Variants in PCDH11Y observed in about 807,000 individuals in gnomAD.
The protein encoded by PCDH11Y is protocadherin 11 Y-linked, also known as protocadherin-11 Y-linked.
For synonymous variants in PCDH11Y, 9 were observed against 83.6 expected, an observed-to-expected ratio of 0.11 and a Z score of 4.87; for missense variants, 12 against 224.8, an observed-to-expected ratio of 0.05 and a Z score of 6.05.
At chrY:5,369,551 C>G in intron 2 of PCDH11Y, among the ~76,000 whole-genome samples, 1 of 32,621 alleles carries the variant, frequency 3.1e-5, no homozygotes, top group Non-Finnish European at 7.5e-5. Flanking sequence ...ACTTAACTTT[C>G]AGGTTTGCCT....
chrY:5,429,157 C>T (rs2124680336), intron 2 of PCDH11Y, among the ~76,000 whole-genome samples: 11 of 33,416 alleles, frequency 3.3e-4, no homozygotes, highest in African/African-American at 1.3e-3. Flanking sequence ...ATTTATTTCC[C>T]TTTCAAGTTC....
intron 2 of PCDH11Y, among the ~76,000 whole-genome samples, chrY:5,262,205 C>T: frequency 3.0e-5 from 1 of 33,055 alleles, no homozygotes; most frequent in Admixed American, 2.8e-4. Flanking sequence ...AACTAATTTA[C>T]ATTCCCACCA....
At chrY:5,334,981 T>A (rs2053135007) in intron 2 of PCDH11Y, among the ~76,000 whole-genome samples, 1 of 30,090 alleles carries the variant, frequency 3.3e-5, no homozygotes, top group African/African-American at 1.3e-4. Flanking sequence ...TACGCCTTTC[T>A]CCAAAGATGA....
intron 1 of PCDH11Y, among the ~76,000 whole-genome samples, chrY:5,071,064 T>C: frequency 3.0e-5 from 1 of 33,121 alleles, no homozygotes; most frequent in African/African-American, 1.2e-4. Flanking sequence ...GGGTTCACTA[T>C]ATTTCAATAC....
At chrY:5,460,189 G>A (rs1602928716) in intron 2 of PCDH11Y, among the ~76,000 whole-genome samples, 273 of 32,757 alleles carry the variant, frequency 8.3e-3, no homozygotes, top group African/African-American at 0.031. Flanking sequence ...CTTAAGTGAA[G>A]CAGCAAATAT....
Position 5,730,297 on chromosome Y carries a change from T to C in PCDH11Y, c.3353-6975T>C, listed in dbSNP as rs2124715078. 2.7e-4 allele frequency among the ~76,000 whole-genome samples: 9 copies of C among 33,091 alleles called. No homozygotes were observed. In the East Asian group the frequency reaches 7.0e-3, roughly 26 times the overall value. The allele number at this position is 33,091 out of a possible 37,273, so 88.8% of individuals were successfully genotyped here. Reference sequence around the variant, plus strand: ...TTGTTTGTGTCATCTAATATTTCTTTTAGCAGTGTTTTGTAGTTCTTCTTG... The same window carrying C: ...TTGTTTGTGTCATCTAATATTTCTTCTAGCAGTGTTTTGTAGTTCTTCTTG... On this transcript the variant is annotated intron_variant, in intron 4 of 4. Coordinates refer to the PCDH11Y transcript ENST00000400457.
chrY:5,130,774 T>C (rs2052832907), intron 2 of PCDH11Y, among the ~76,000 whole-genome samples: 1 of 30,801 alleles, frequency 3.2e-5, no homozygotes, highest in Non-Finnish European at 7.8e-5. Context: ...TCCCAGGTAC[T>C]TGGGAGGCTG....
chrY:5,648,210 C>T (rs2053528921), intron 4 of PCDH11Y, among the ~76,000 whole-genome samples: 1 of 33,323 alleles, frequency 3.0e-5, no homozygotes, highest in Non-Finnish European at 7.4e-5. Context: ...CCCAGCCTTA[C>T]GTTAGATTTA....
At chrY:5,532,507 G>C (rs2053395196) in intron 3 of PCDH11Y, among the ~76,000 whole-genome samples, 1 of 22,579 alleles carries the variant, frequency 4.4e-5, no homozygotes, top group Non-Finnish European at 9.9e-5. Flanking sequence ...CAAACTCCAG[G>C]GTTCAAGAGA....
intron 2 of PCDH11Y, among the ~76,000 whole-genome samples, chrY:5,411,592 T>C (rs2124678457): frequency 3.9e-5 from 1 of 25,487 alleles, no homozygotes; most frequent in East Asian, 1.1e-3. Context: ...CTTTATTCCA[T>C]CTGGAGTTGA....
intron 2 of PCDH11Y, among the ~76,000 whole-genome samples, chrY:5,450,239 GA>G (rs2053292067): frequency 3.1e-5 from 1 of 32,206 alleles, no homozygotes; most frequent in Non-Finnish European, 7.6e-5. Context: ...TATCAAAATA[GA>G]AAAAAATAAA....
chrY:5,519,283 G>A (rs1339644231), intron 3 of PCDH11Y, among the ~76,000 whole-genome samples: 121 of 30,478 alleles, frequency 4.0e-3, no homozygotes, highest in African/African-American at 0.014. Context: ...CCAGCTACGC[G>A]GGAGGCTGAG....
intron 2 of PCDH11Y, among the ~76,000 whole-genome samples, chrY:5,299,706 T>G: frequency 3.3e-5 from 1 of 30,589 alleles, no homozygotes; most frequent in Non-Finnish European, 7.8e-5. Flanking sequence ...AGGGATTGTG[T>G]TCTCCTTCTT....
intron 3 of PCDH11Y, among the ~76,000 whole-genome samples, chrY:5,543,497 A>G: frequency 2.9e-5 from 1 of 34,358 alleles, no homozygotes; most frequent in Admixed American, 2.7e-4. Flanking sequence ...TTAAAATATT[A>G]ATTTTCCAAT....
chrY:5,540,745 A>G (rs4020642), intron 3 of PCDH11Y, among the ~76,000 whole-genome samples: 1 of 35,030 alleles, frequency 2.9e-5, no homozygotes, highest in Non-Finnish European at 7.3e-5. Flanking sequence ...CATTATTGCT[A>G]TTAGTACCAG....
chrY:5,409,812 A>G (rs1602921371), intron 2 of PCDH11Y, among the ~76,000 whole-genome samples: 1 of 33,514 alleles, frequency 3.0e-5, no homozygotes, highest in African/African-American at 1.2e-4. Flanking sequence ...TTGCATAATT[A>G]TCTTGGCTAG....
chrY:5,565,962 A>AAT (rs1556033168), intron 3 of PCDH11Y, among the ~76,000 whole-genome samples: 29 of 20,682 alleles, frequency 1.4e-3, no homozygotes, highest in South Asian at 6.9e-3. Flanking sequence ...ATATATATAT[A>AAT]ATATATATAT....
chrY:5,382,491 T>C, intron 2 of PCDH11Y, among the ~76,000 whole-genome samples: 1 of 33,429 alleles, frequency 3.0e-5, no homozygotes, highest in African/African-American at 1.2e-4. Flanking sequence ...CAATACATGG[T>C]GAGTCACTAT....
intron 4 of PCDH11Y, among the ~76,000 whole-genome samples, chrY:5,588,498 A>G: frequency 3.0e-5 from 1 of 33,183 alleles, no homozygotes; most frequent in Non-Finnish European, 7.5e-5. Context: ...TCTCTTTAGT[A>G]TTTCCTGAAG....
Sources: gnomAD v4.1 joint callset for allele counts (sites outside exome capture counted in the v4.1 genomes callset) on GRCh38, gnomAD v4.1.1 for gene constraint, MANE v1.5 for transcripts, NCBI Gene and HGNC (gene_info 2026-07-23, HGNC 2026-07-21) for gene names.